SMYD3: variants seen among roughly 807,000 people sequenced by gnomAD.
SMYD3 encodes SET and MYND domain containing 3.
In SMYD3, 36 loss-of-function variants were observed where a neutral mutation model predicts 57.7. The ratio of observed to expected loss-of-function variants is 0.62; its 90% CI spans 0.48 to 0.82. The LOEUF is 0.82. Among genes scored for constraint, SMYD3 ranks in the 40% least tolerant of loss-of-function variants. The pLI, the probability that SMYD3 is intolerant of heterozygous loss-of-function variation, is 0.00. For missense variants in SMYD3, 515 were observed against 538.8 expected, an observed-to-expected ratio of 0.96 and a Z score of 0.44; for synonymous variants, 211 against 195.0, an observed-to-expected ratio of 1.08 and a Z score of -0.68.
At chr1:246,092,027 T>C (rs2060831873) in intron 5 of SMYD3, among the ~76,000 whole-genome samples, 1 of 152,186 alleles carries the variant, frequency 6.6e-6, no homozygotes, top group African/African-American at 2.4e-5. Context: ...TTTTAAAAAG[T>C]ATATGTAGCT....
At chr1:245,884,385 T>C (rs1288727327) in intron 8 of SMYD3, among the ~76,000 whole-genome samples, 2 of 152,164 alleles carry the variant, frequency 1.3e-5, no homozygotes, top group South Asian at 2.1e-4. Flanking sequence ...CTCTCTCTTC[T>C]GCAGGGACAG....
intron 10 of SMYD3, among the ~76,000 whole-genome samples, chr1:245,782,256 A>G (rs2046862571): frequency 6.6e-6 from 1 of 152,222 alleles, no homozygotes; most frequent in Non-Finnish European, 1.5e-5. Flanking sequence ...CCCTGCAGCC[A>G]TGAATAATCT....
intron 5 of SMYD3, among the ~76,000 whole-genome samples, chr1:246,057,810 A>G (rs77099640): frequency 0.033 from 5,086 of 152,330 alleles, 288 homozygotes; most frequent in African/African-American, 0.12. Context: ...GGATACTGAC[A>G]GCAGCTTTAT....
intron 10 of SMYD3, among the ~76,000 whole-genome samples, chr1:245,794,111 T>C (rs2047421676): frequency 6.6e-6 from 1 of 152,220 alleles, no homozygotes; most frequent in African/African-American, 2.4e-5. Context: ...GTATTTTAGT[T>C]TCATCTTTCA....
chr1:246,233,826 A>G (rs146983498), intron 5 of SMYD3, among the ~76,000 whole-genome samples: 20,329 of 115,886 alleles, frequency 0.18, 2,181 homozygotes, highest in Non-Finnish European at 0.24. Flanking sequence ...GAGGAGAAGC[A>G]CTCCTTCAAT....
At chr1:245,862,416 G>C (rs535906699) in intron 9 of SMYD3, among the ~76,000 whole-genome samples, 1 of 151,880 alleles carries the variant, frequency 6.6e-6, no homozygotes, top group Non-Finnish European at 1.5e-5. Context: ...TTTTTGATCC[G>C]AATAGAAATT....
chr1:246,160,322 G>GA (rs2062096024), intron 5 of SMYD3, among the ~76,000 whole-genome samples: 1 of 152,232 alleles, frequency 6.6e-6, no homozygotes, highest in Non-Finnish European at 1.5e-5. Context: ...ATGCATAGAA[G>GA]AAAAAAATAT....
chr1:246,161,132 C>T (rs2062113011), intron 5 of SMYD3, among the ~76,000 whole-genome samples: 1 of 152,220 alleles, frequency 6.6e-6, no homozygotes, highest in Admixed American at 6.5e-5. Context: ...CACCCTGCGC[C>T]TCATTTGCAG....
At chr1:246,185,363 A>T (rs1162543596) in intron 5 of SMYD3, among the ~76,000 whole-genome samples, 1 of 150,308 alleles carries the variant, frequency 6.7e-6, no homozygotes, top group East Asian at 2.0e-4. Flanking sequence ...CATTCTCCTG[A>T]GTAGCTGGGA....
chr1:246,020,857 C>G (rs890058605), intron 5 of SMYD3, among the ~76,000 whole-genome samples: 1 of 152,150 alleles, frequency 6.6e-6, no homozygotes, highest in Admixed American at 6.5e-5. Flanking sequence ...TTCCCACCCT[C>G]TCAACTTTTA....
chr1:246,161,733 C>G (rs1247741268), intron 5 of SMYD3, among the ~76,000 whole-genome samples: 1 of 152,142 alleles, frequency 6.6e-6, no homozygotes, highest in African/African-American at 2.4e-5. Flanking sequence ...ACAGGTCTGG[C>G]CAATGACAGT....
At chr1:245,907,842 A>G (rs1281978988) in intron 8 of SMYD3, among the ~76,000 whole-genome samples, 2 of 152,230 alleles carry the variant, frequency 1.3e-5, no homozygotes, top group Non-Finnish European at 2.9e-5. Flanking sequence ...AAGCCAGATT[A>G]AAAGTGAAGG....
intron 5 of SMYD3, among the ~76,000 whole-genome samples, chr1:246,099,117 G>C (rs767558343): frequency 6.6e-6 from 1 of 152,344 alleles, no homozygotes; most frequent in South Asian, 2.1e-4. Flanking sequence ...AGACTGATAA[G>C]TTGAAAATAA....
At chr1:246,214,710 T>C (rs2063138147) in intron 5 of SMYD3, among the ~76,000 whole-genome samples, 1 of 152,120 alleles carries the variant, frequency 6.6e-6, no homozygotes, top group African/African-American at 2.4e-5. Context: ...AAAATATTTT[T>C]TCAGTCTTCC....
intron 5 of SMYD3, among the ~76,000 whole-genome samples, chr1:245,963,290 A>G (rs559112874): frequency 3.3e-4 from 50 of 152,326 alleles, no homozygotes; most frequent in African/African-American, 1.2e-3. Context: ...TTAAAAAAAA[A>G]TTCTTAGATC....
chr1:246,059,666 A>T (rs1481553322), intron 5 of SMYD3, among the ~76,000 whole-genome samples: 1 of 152,216 alleles, frequency 6.6e-6, no homozygotes, highest in Non-Finnish European at 1.5e-5. Flanking sequence ...AAAAGGTCTT[A>T]AAAACTTTTG....
intron 5 of SMYD3, among the ~76,000 whole-genome samples, chr1:246,200,077 A>AT (rs1393212742): frequency 6.6e-6 from 1 of 151,164 alleles, no homozygotes; most frequent in African/African-American, 2.4e-5. Context: ...GATAGAGTAG[A>AT]GGAGAACAGC....
chr1:245,943,542 C>A (rs977189112), intron 5 of SMYD3, among the ~76,000 whole-genome samples: 1 of 152,166 alleles, frequency 6.6e-6, no homozygotes, highest in African/African-American at 2.4e-5. Flanking sequence ...CAGCTGAATT[C>A]TACAAGAGGT....
At chr1:245,985,641 A>G (rs923843633) in intron 5 of SMYD3, among the ~76,000 whole-genome samples, 1 of 152,142 alleles carries the variant, frequency 6.6e-6, no homozygotes, top group Non-Finnish European at 1.5e-5. Context: ...ACATCATAAT[A>G]CTTGGTTCTT....
Sources: gnomAD v4.1 joint callset for allele counts (sites outside exome capture counted in the v4.1 genomes callset) on GRCh38, gnomAD v4.1.1 for gene constraint, MANE v1.5 for transcripts, NCBI Gene and HGNC (gene_info 2026-07-23, HGNC 2026-07-21) for gene names.